Variants in FBXO25 observed in about 807,000 individuals in gnomAD.
FBXO25 encodes the protein F-box only protein 25.
Under a neutral mutation model 51.9 loss-of-function variants are expected in FBXO25, and 45 were observed. That is an observed-to-expected ratio of 0.87 (90% CI 0.68 to 1.11). The LOEUF (loss-of-function observed/expected upper bound fraction) is 1.11. Ranked by LOEUF, FBXO25 falls within the 50% of genes most tolerant of loss-of-function variation. The pLI, the probability that FBXO25 is intolerant of heterozygous loss-of-function variation, is 0.00. For synonymous variants in FBXO25, 199 were observed against 151.0 expected, an observed-to-expected ratio of 1.32 and a Z score of -2.33; for missense variants, 507 against 428.5, an observed-to-expected ratio of 1.18 and a Z score of -1.62.
chr8:433,700 A>G (rs186540170), intron 4 of FBXO25, among the ~76,000 whole-genome samples: 4 of 152,152 alleles, frequency 2.6e-5, no homozygotes, highest in South Asian at 2.1e-4. Flanking sequence ...TTTTGCAACA[A>G]TTGGGGAAAA....
At chr8:412,180 C>A (rs1796517669) in intron 1 of FBXO25, among the ~76,000 whole-genome samples, 2 of 152,172 alleles carry the variant, frequency 1.3e-5, no homozygotes, top group African/African-American at 4.8e-5. Context: ...TCAAACTGAA[C>A]AGGCATGTCC....
intron 8 of FBXO25, among the ~76,000 whole-genome samples, chr8:462,292 TCTTTGCATGTC>T (rs1199592909): frequency 6.6e-6 from 1 of 152,266 alleles, no homozygotes; most frequent in Non-Finnish European, 1.5e-5. Flanking sequence ...TAGATAAATG[TCTTTGCATGTC>T]CTTTGACCAT....
At chr8:430,366 T>C (rs979397304) in intron 2 of FBXO25, among the ~76,000 whole-genome samples, 21 of 152,210 alleles carry the variant, frequency 1.4e-4, no homozygotes, top group African/African-American at 5.1e-4. Context: ...TTTGCTTGTC[T>C]TGATGATTTA....
chr8:477,261 T>A lies in FBXO25; in HGVS notation c.*8457T>A, dbSNP rs1800673003. On this transcript the variant is annotated 3_prime_UTR_variant, in exon 10 of 10. Coordinates refer to ENST00000350302, the MANE Select transcript of FBXO25 (RefSeq NM_183420.2). ...GAGAAAAACGTGTGTACTGCTGTTG[T>A]GTCTGTTAGGTCCAGCTGGTATGAT... 6.6e-6 allele frequency: 1 copy of A among 152,244 alleles called. No individual in the cohort carries two copies. Among genetic ancestry groups the A allele is most frequent in the Non-Finnish European group, 1.5e-5 (1 of 68,048 alleles). The allele number at this position is 152,244 out of a possible 1,614,324, so 9.4% of individuals were successfully genotyped here.
chr8:442,899 G>C (rs1336854397), intron 5 of FBXO25, among the ~76,000 whole-genome samples: 7 of 152,142 alleles, frequency 4.6e-5, no homozygotes, highest in African/African-American at 1.7e-4. Context: ...TCCAAGAATT[G>C]GTTGTAGGCT....
chr8:443,595 C>T (rs1045812247), intron 5 of FBXO25, among the ~76,000 whole-genome samples: 27 of 150,926 alleles, frequency 1.8e-4, no homozygotes, highest in African/African-American at 6.4e-4. Context: ...GCTTGAGCAA[C>T]TTGTGAGCTG....
chr8:441,989 G>A lies in FBXO25; in HGVS notation c.381+6282G>A, dbSNP rs543720361. On this transcript the variant is annotated intron_variant, in intron 5 of 9. Coordinates refer to ENST00000350302, the MANE Select transcript of FBXO25 (RefSeq NM_183420.2). ...AGAACCAGAGATACTATTTGACCCA[G>A]CAATCCCACATGACATTATAAAATA... is the stretch of plus-strand genomic sequence containing the variant. 3.3e-5 allele frequency among the ~76,000 whole-genome samples: 5 copies of A among 152,302 alleles called. No individual in the cohort carries two copies. The South Asian group carries it at 1.0e-3, about 32-fold the overall frequency.
At chr8:414,896 G>A (rs548875889) in intron 2 of FBXO25, among the ~76,000 whole-genome samples, 9 of 152,246 alleles carry the variant, frequency 5.9e-5, no homozygotes, top group East Asian at 3.9e-4. Context: ...CTGCCATTTC[G>A]TTCATCTTCC....
intron 9 of FBXO25, among the ~76,000 whole-genome samples, chr8:464,989 T>C (rs1800059349): frequency 6.6e-6 from 1 of 152,206 alleles, no homozygotes; most frequent in Non-Finnish European, 1.5e-5. Context: ...AGCAAATCAG[T>C]TCATCAGTAA....
intron 8 of FBXO25, among the ~76,000 whole-genome samples, chr8:461,798 T>C (rs948098244): frequency 6.6e-6 from 1 of 152,208 alleles, no homozygotes; most frequent in African/African-American, 2.4e-5. Context: ...CTTTGCATGA[T>C]GTCCTTACGG....
At position 462,987 on chromosome 8, in the gene FBXO25, A is replaced by C; in HGVS notation, c.844-20A>C. On this transcript the variant is annotated intron_variant, in intron 8 of 9. Coordinates refer to ENST00000350302, the MANE Select transcript of FBXO25 (RefSeq NM_183420.2). ...GAAAGTCATCTTATGCGGATTCTGA[A>C]TGGAGTTTTGTTTGTTTAGTTTTGT... 1 of 1,593,102 alleles carries C rather than the reference A, an allele frequency of 6.3e-7. No homozygotes were observed. The highest frequency in any genetic ancestry group is 8.5e-7 in the Non-Finnish European group (1 of 1,172,506).
intron 9 of FBXO25, among the ~76,000 whole-genome samples, chr8:464,508 C>A (rs1358965509): frequency 1.3e-5 from 2 of 152,212 alleles, no homozygotes; most frequent in Admixed American, 6.5e-5. Context: ...TGCCTCTTGC[C>A]TTCTCTAGGT....
intron 2 of FBXO25, among the ~76,000 whole-genome samples, chr8:429,850 G>C (rs2117599923): frequency 6.6e-6 from 1 of 152,328 alleles, no homozygotes; most frequent in Admixed American, 6.5e-5. Flanking sequence ...ACCTCCACCT[G>C]TGGAATCCAC....
chr8:413,067 T>C lies in FBXO25; in HGVS notation c.-7-6T>C, dbSNP rs753716116. On this transcript the variant is annotated splice_region_variant and splice_polypyrimidine_tract_variant and intron_variant, in intron 1 of 9. Coordinates refer to ENST00000350302, the MANE Select transcript of FBXO25 (RefSeq NM_183420.2). Reference sequence around the variant, plus strand: ...TACTTTTTAACATAATTTAACTTTTTCATAGGAGAACTATGCCATTTTTGG... The same window carrying C: ...TACTTTTTAACATAATTTAACTTTTCCATAGGAGAACTATGCCATTTTTGG... 3 of 1,484,122 alleles carry C rather than the reference T, an allele frequency of 2.0e-6. No individual in the cohort carries two copies. The highest frequency in any genetic ancestry group is 2.5e-5 in the Admixed American group (1 of 40,744). The allele number at this position is 1,484,122 out of a possible 1,614,324, so 91.9% of individuals were successfully genotyped here. A position where few individuals can be genotyped will look rare whatever the true frequency, so the allele number is the denominator to read the frequency against.
rs1199901387 is a variant in FBXO25 at position 476,858 on chromosome 8, CTCT to C, written c.*8059_*8061del. 1 of 151,978 alleles carries C rather than the reference CTCT, an allele frequency of 6.6e-6. No homozygotes were observed. The highest frequency in any genetic ancestry group is 1.5e-5 in the Non-Finnish European group (1 of 67,990). 9.4% of individuals were successfully genotyped at this position (151,978 alleles called of 1,614,324 possible). A position where few individuals can be genotyped will look rare whatever the true frequency, so the allele number is the denominator to read the frequency against. ...CATTCTGCTGGCTTTGGGTTGATTG[CTCT>C]TCTTTTTCTAGTTCTTTCAGATGTA... On this transcript the variant is annotated 3_prime_UTR_variant, in exon 10 of 10. Coordinates refer to ENST00000350302, the MANE Select transcript of FBXO25 (RefSeq NM_183420.2).
At position 472,155 on chromosome 8, in the gene FBXO25, G is replaced by A. The variant is rs1585120542; in HGVS notation, c.*3351G>A. The A allele has an allele frequency of 6.6e-6, 1 of 152,172 alleles. No individual in the cohort carries two copies. The highest frequency in any genetic ancestry group is 6.5e-5 in the Admixed American group (1 of 15,278). The allele number at this position is 152,172 out of a possible 1,614,324, so 9.4% of individuals were successfully genotyped here. On this transcript the variant is annotated 3_prime_UTR_variant, in exon 10 of 10. Transcript: ENST00000350302. ...TCCTTGTCTTGTTCCTCATCTTAGG[G>A]GAAAGCTTTCAGTCTCACCATTAAC... is the stretch of plus-strand genomic sequence containing the variant.
chr8:474,185 C>T lies in FBXO25; in HGVS notation c.*5381C>T, dbSNP rs73173395. On this transcript the variant is annotated 3_prime_UTR_variant, in exon 10 of 10. Coordinates refer to ENST00000350302, the MANE Select transcript of FBXO25 (RefSeq NM_183420.2). ...TTTAATTTGACTTCTGTAGGGACCTCGTATGAGTGGAACCAGAAGGGATTT... is the reference window on the plus strand; with the variant it reads ...TTTAATTTGACTTCTGTAGGGACCTTGTATGAGTGGAACCAGAAGGGATTT... The T allele has an allele frequency of 0.067, 10,759 of 160,714 alleles. 565 individuals carry two copies. The highest frequency in any genetic ancestry group is 0.12 in the Admixed American group (1,969 of 15,804). The allele number at this position is 160,714 out of a possible 1,614,324, so 10.0% of individuals were successfully genotyped here.
chr8:459,906 G>A (rs544190270), intron 8 of FBXO25, among the ~76,000 whole-genome samples: 18 of 152,178 alleles, frequency 1.2e-4, no homozygotes, highest in African/African-American at 3.1e-4. Context: ...AGATTTAGCC[G>A]AGCAGAGGTT....
At chr8:418,548 C>G (rs12547316) in intron 2 of FBXO25, among the ~76,000 whole-genome samples, 9,490 of 151,920 alleles carry the variant, frequency 0.062, 314 homozygotes, top group Middle Eastern at 0.082. Context: ...CCATATTGAC[C>G]AGAATGGTCT....
Sources: gnomAD v4.1 joint callset for allele counts (sites outside exome capture counted in the v4.1 genomes callset) on GRCh38, gnomAD v4.1.1 for gene constraint, MANE v1.5 for transcripts, NCBI Gene and HGNC (gene_info 2026-07-23, HGNC 2026-07-21) for gene names.